The following EPM2A variants were observed in gnomAD, a reference collection of about 807,000 sequenced individuals.
EPM2A encodes the protein EPM2A glucan phosphatase, laforin, also known as laforin.
A neutral mutation model predicts 26.5 loss-of-function variants in EPM2A; 21 were observed. The ratio of observed to expected loss-of-function variants is 0.79; its 90% confidence interval spans 0.56 to 1.14. EPM2A has a LOEUF of 1.14. EPM2A is among the 50% of genes most tolerant of loss of function. The pLI, the probability that EPM2A is intolerant of heterozygous loss-of-function variation, is 0.00. For synonymous variants in EPM2A, 217 were observed against 177.6 expected, an observed-to-expected ratio of 1.22 and a Z score of -1.76; for missense variants, 458 against 440.8, an observed-to-expected ratio of 1.04 and a Z score of -0.35.
At chr6:145,691,758 A>C (rs1781295225) in intron 1 of EPM2A, among the ~76,000 whole-genome samples, 2 of 152,090 alleles carry the variant, frequency 1.3e-5, no homozygotes, top group South Asian at 4.1e-4. Flanking sequence ...TAGAAATTCT[A>C]TGTGTAAATC....
intron 4 of EPM2A, among the ~76,000 whole-genome samples, chr6:145,411,407 T>G (rs553068753): frequency 1.3e-5 from 2 of 152,336 alleles, no homozygotes; most frequent in South Asian, 4.1e-4. Context: ...ATTTGCTACA[T>G]ATCTAATTAT....
intron 4 of EPM2A, among the ~76,000 whole-genome samples, chr6:145,463,989 G>A (rs1268272449): frequency 1.3e-5 from 2 of 152,130 alleles, no homozygotes; most frequent in Non-Finnish European, 2.9e-5. Context: ...CTGTTCTCAT[G>A]ATAGTGAGTT....
chr6:145,477,222 T>A (rs763726500), intron 4 of EPM2A, among the ~76,000 whole-genome samples: 10 of 151,798 alleles, frequency 6.6e-5, no homozygotes, highest in Non-Finnish European at 1.3e-4. Flanking sequence ...CTACCAAGAT[T>A]GAACCCAGAA....
intron 4 of EPM2A, among the ~76,000 whole-genome samples, chr6:145,485,957 A>C (rs1279760283): frequency 6.6e-5 from 10 of 152,194 alleles, no homozygotes; most frequent in Admixed American, 6.5e-4. Flanking sequence ...TGCCCTCATG[A>C]TTCGGTTATC....
chr6:145,569,387 T>C (rs140967632), intron 2 of EPM2A, among the ~76,000 whole-genome samples: 10 of 152,286 alleles, frequency 6.6e-5, no homozygotes, highest in Non-Finnish European at 1.5e-4. Context: ...TGCTATCCCA[T>C]GGCAGAATCA....
At chr6:145,437,810 A>G (rs981353676) in intron 4 of EPM2A, among the ~76,000 whole-genome samples, 3 of 152,232 alleles carry the variant, frequency 2.0e-5, no homozygotes, top group Non-Finnish European at 4.4e-5. Context: ...GTTCAGTTCA[A>G]TTCAGTCCAG....
chr6:145,648,135 C>A (rs993082011), intron 2 of EPM2A, among the ~76,000 whole-genome samples: 29 of 152,186 alleles, frequency 1.9e-4, no homozygotes, highest in African/African-American at 6.8e-4. Context: ...ATTATTTCTT[C>A]TTTAAAGTCT....
chr6:145,438,469 ATT>A lies in EPM2A; in HGVS notation c.556-54374_556-54373del, dbSNP rs68038397. Among the ~76,000 whole-genome samples, 547 of 117,212 alleles carry A rather than the reference ATT, an allele frequency of 4.7e-3. 8 individuals are homozygous for A. The highest frequency in any genetic ancestry group is 0.013 in the African/African-American group (427 of 33,100). The allele number at this position is 117,212 out of a possible 152,430, so 76.9% of individuals were successfully genotyped here. ...TGTAGATTCTCCTGAGAAGGGAATA[ATT>A]TTTTTTTTTTTTTTTTTTTTTAGAT... On this transcript the variant is annotated intron_variant, in intron 4 of 4. Transcript: ENST00000638717.
At chr6:145,494,383 T>C (rs1361459432) in intron 4 of EPM2A, among the ~76,000 whole-genome samples, 1 of 152,206 alleles carries the variant, frequency 6.6e-6, no homozygotes, top group African/African-American at 2.4e-5. Flanking sequence ...TTTTCTTCTT[T>C]ATTTGTCTAG....
chr6:145,439,617 T>G (rs748919732), intron 4 of EPM2A, among the ~76,000 whole-genome samples: 6 of 152,242 alleles, frequency 3.9e-5, no homozygotes, highest in Non-Finnish European at 8.8e-5. Context: ...GGGTCTTACT[T>G]TGAAAAGTGT....
rs549271400 is a variant in EPM2A, at chr6:145,642,788, T to G, written c.477-7302A>C. Reference sequence around the variant, plus strand: ...AGGAACTGTGAGAAACCTAGGGACATGGAGTGTGGTGAACAAGGAAGAATA... The same window carrying G: ...AGGAACTGTGAGAAACCTAGGGACAGGGAGTGTGGTGAACAAGGAAGAATA... On this transcript the variant is annotated intron_variant, in intron 2 of 3. Coordinates refer to ENST00000367519, the MANE Select transcript of EPM2A (RefSeq NM_005670.4). 8.5e-5 allele frequency among the ~76,000 whole-genome samples: 13 copies of G among 152,188 alleles called. No homozygotes were observed. In the South Asian group the frequency reaches 2.7e-3, roughly 32 times the overall value.
intron 1 of EPM2A, among the ~76,000 whole-genome samples, chr6:145,704,592 T>A (rs1562505621): frequency 6.6e-6 from 1 of 152,214 alleles, no homozygotes; most frequent in Non-Finnish European, 1.5e-5. Context: ...AGTCCTATAC[T>A]TATACAGCAA....
intron 2 of EPM2A, among the ~76,000 whole-genome samples, chr6:145,678,696 T>A (rs1446925858): frequency 6.6e-6 from 1 of 152,026 alleles, no homozygotes; most frequent in Non-Finnish European, 1.5e-5. Flanking sequence ...AAAACCACAA[T>A]GAGATACCAT....
rs1468442057 is a variant in EPM2A, at chr6:145,735,250, C to T, written c.249G>A (p.Thr83=). 4.6e-6 allele frequency: 7 copies of T among 1,533,762 alleles called. 1 individual carries two copies. The African/African-American group carries it at 7.1e-5, about 15-fold the overall frequency. The stretch of plus-strand genomic sequence containing the variant: ...CCCGCTTCAGGAACTTGTACCAGAA[C>T]GTGTCCACGCGGCCCGGCTCCGCCC... ...QDGAEPGRVD[T]FWYKFLKREP... Residue 83 remains threonine (T), a synonymous_variant, in exon 1 of 4, where the codon ACG becomes ACA. Coordinates refer to ENST00000367519, the MANE Select transcript of EPM2A (RefSeq NM_005670.4).
Position 145,414,994 on chromosome 6 carries a change from G to A in EPM2A, c.556-30897C>T, listed in dbSNP as rs540450567. Among the ~76,000 whole-genome samples, 18 of 152,204 alleles carry A rather than the reference G, an allele frequency of 1.2e-4. No homozygotes were observed. In the East Asian group the frequency reaches 3.5e-3, roughly 29 times the overall value. ...CCCCCCGTATCCTACTTTGTCTCCT[G>A]TTTCTTGTTCACTCTACCTGTGCAC... is the stretch of plus-strand genomic sequence containing the variant. On this transcript the variant is annotated intron_variant, in intron 4 of 4. Coordinates refer to the EPM2A transcript ENST00000638717.
chr6:145,689,976 A>C (rs968553975), intron 1 of EPM2A, among the ~76,000 whole-genome samples: 2 of 151,906 alleles, frequency 1.3e-5, no homozygotes, highest in Non-Finnish European at 2.9e-5. Flanking sequence ...CCTCCTTCCC[A>C]CCCGACCATC....
At chr6:145,392,496 C>T (rs1778351295) in intron 4 of EPM2A, among the ~76,000 whole-genome samples, 1 of 152,086 alleles carries the variant, frequency 6.6e-6, no homozygotes, top group Admixed American at 6.5e-5. Context: ...TCTGAGCTTC[C>T]TTTCTTCCCT....
intron 4 of EPM2A, among the ~76,000 whole-genome samples, chr6:145,456,528 CAG>C (rs1259825241): frequency 6.6e-6 from 1 of 152,050 alleles, no homozygotes; most frequent in Non-Finnish European, 1.5e-5. Context: ...ATGAAAAATC[CAG>C]AGTGTGCTCC....
intron 2 of EPM2A, among the ~76,000 whole-genome samples, chr6:145,616,099 AC>A (rs1283195831): frequency 6.6e-6 from 1 of 152,242 alleles, no homozygotes; most frequent in East Asian, 1.9e-4. Flanking sequence ...TCAGGTCTTC[AC>A]TGCAGCCCCT....
Sources: gnomAD v4.1 joint callset for allele counts (sites outside exome capture counted in the v4.1 genomes callset) on GRCh38, gnomAD v4.1.1 for gene constraint, MANE v1.5 for transcripts, NCBI Gene and HGNC (gene_info 2026-07-23, HGNC 2026-07-21) for gene names.